The following FOXP4 variants were observed in gnomAD, a reference collection of about 807,000 sequenced individuals.
FOXP4 encodes the protein forkhead box protein P4.
Under a neutral mutation model 82.6 loss-of-function variants are expected in FOXP4, and 25 were observed. The observed-to-expected ratio is 0.30, with a 90% CI of 0.22 to 0.42. The LOEUF (loss-of-function observed/expected upper bound fraction) is 0.42. FOXP4 is among the 10% of genes least tolerant of loss of function. FOXP4 has a pLI of 1.00. For synonymous variants in FOXP4, 415 were observed against 388.2 expected, an observed-to-expected ratio of 1.07 and a Z score of -0.81; for missense variants, 785 against 900.9, an observed-to-expected ratio of 0.87 and a Z score of 1.65.
intron 2 of FOXP4, chr6:41,570,526 A>G: frequency 2.6e-6 from 1 of 381,582 alleles, no homozygotes; most frequent in Non-Finnish European, 5.5e-6. Context: ...CCTATGTTGG[A>G]AAATTCCCCT....
At chr6:41,576,687 C>G (rs1256163120) in intron 2 of FOXP4, among the ~76,000 whole-genome samples, 2 of 152,170 alleles carry the variant, frequency 1.3e-5, no homozygotes, top group African/African-American at 4.8e-5. Flanking sequence ...CGAATGCCAA[C>G]TGGATGCCAA....
At chr6:41,574,926 T>G (rs1249027060) in intron 2 of FOXP4, among the ~76,000 whole-genome samples, 1 of 152,212 alleles carries the variant, frequency 6.6e-6, no homozygotes, top group Non-Finnish European at 1.5e-5. Context: ...CACTTCAGGC[T>G]GACTAGTTTC....
intron 1 of FOXP4, among the ~76,000 whole-genome samples, chr6:41,550,025 G>A (rs538594719): frequency 2.0e-5 from 3 of 152,152 alleles, no homozygotes; most frequent in African/African-American, 7.2e-5. Flanking sequence ...ATCTTACCAC[G>A]CTCCAGCTTC....
At chr6:41,568,727 C>T (rs955622060) in intron 2 of FOXP4, among the ~76,000 whole-genome samples, 5 of 152,176 alleles carry the variant, frequency 3.3e-5, no homozygotes, top group African/African-American at 1.2e-4. Flanking sequence ...CTTTGTCTGT[C>T]TGTTGGTCCT....
At chr6:41,587,559 T>G in intron 7 of FOXP4, 47 bp downstream of exon 7, 1 of 1,430,756 alleles carries the variant, frequency 7.0e-7, no homozygotes, top group Non-Finnish European at 9.5e-7. Context: ...TGCCTGGGGG[T>G]AGACCTGGCC....
In FOXP4 at chr6:41,593,829, A is replaced by G. The variant is rs892517701; in HGVS notation, c.1537-1041A>G. Among the ~76,000 whole-genome samples, 64 of 152,302 alleles carry G rather than the reference A, an allele frequency of 4.2e-4. No individual in the cohort carries two copies. The highest frequency in any genetic ancestry group is 1.5e-3 in the African/African-American group (61 of 41,558). ...CAAGAGTTGGAAGGGAGAGAGGGAG[A>G]GGGATCTCCAGGGGCACGGGCTGCC... is the stretch of plus-strand genomic sequence containing the variant. On this transcript the variant is annotated intron_variant, in intron 13 of 16. Transcript: ENST00000307972. This position sits in a 1 kb window ranked among gnomAD's most constrained non-coding sequence, Gnocchi z 4.1.
chr6:41,587,404 C>A lies in FOXP4; in HGVS notation c.764C>A (p.Thr255Lys), dbSNP rs781449571. The A allele has an allele frequency of 1.3e-5, 20 of 1,589,240 alleles. No individual in the cohort carries two copies. The highest frequency in any genetic ancestry group is 2.7e-5 in the African/African-American group (2 of 74,444). The change falls in exon 7 of 17, where the codon ACG becomes AAG. Residue 255 changes from threonine to lysine, a missense_variant. This residue lies in a region of FOXP4 where 570 missense variants were observed against 634.0 expected (regional missense o/e 0.90). Coordinates refer to ENST00000307972, the MANE Select transcript of FOXP4 (RefSeq NM_001012426.2). ...VKQEGLDLTG[T>K]AATATSFAAP... ...CAGGAGGGGCTGGACCTCACTGGCA[C>A]GGCCGCCACCGCTACCTCGTTTGCC...
chr6:41,557,246 A>G (rs1159094853), intron 1 of FOXP4, among the ~76,000 whole-genome samples: 1 of 152,322 alleles, frequency 6.6e-6, no homozygotes, highest in African/African-American at 2.4e-5. Context: ...GGAAATCACT[A>G]AAGAGGTTAG....
rs769556634 is a variant in FOXP4 at position 41,601,833 on chromosome 6, C to CT, written c.*2897_*2898insT. On this transcript the variant is annotated 3_prime_UTR_variant, in exon 17 of 17. Coordinates refer to ENST00000307972, the MANE Select transcript of FOXP4 (RefSeq NM_001012426.2). ...CCTCCTTGAGGGCAGAAAGGAGTCC[C>CT]AGGCCTGTCCCTAGGGACAAGGCCC... 2.6e-5 allele frequency: 4 copies of CT among 152,214 alleles called. No individual in the cohort carries two copies. The highest frequency in any genetic ancestry group is 5.9e-5 in the Non-Finnish European group (4 of 68,072). The allele number at this position is 152,214 out of a possible 1,614,324, so 9.4% of individuals were successfully genotyped here. A position where few individuals can be genotyped will look rare whatever the true frequency, so the allele number is the denominator to read the frequency against.
At chr6:41,552,110 T>G (rs1030523830) in intron 1 of FOXP4, among the ~76,000 whole-genome samples, 3 of 152,088 alleles carry the variant, frequency 2.0e-5, no homozygotes, top group Admixed American at 1.3e-4. Context: ...CGTTCTCATC[T>G]CCTCAGCGGG....
chr6:41,597,804 C>T lies in FOXP4; in HGVS notation c.1749C>T (p.Phe583=), dbSNP rs562089407. Residue 583 remains phenylalanine (F), a synonymous_variant, in exon 16 of 17, where the codon TTC becomes TTT. Transcript: ENST00000307972. ...SYQAALAESS[F]PLLNSPGMLN... ...AGGCCGCCCTGGCCGAGAGCAGCTT[C>T]CCCCTCCTCAACAGCCCTGGCATGC... 5 of 1,607,582 alleles carry T rather than the reference C, an allele frequency of 3.1e-6. No individual in the cohort carries two copies. The African/African-American group carries it at 4.0e-5, about 13-fold the overall frequency.
Position 41,594,956 on chromosome 6 carries a change from G to A in FOXP4, c.1623G>A (p.Arg541=). 1.2e-6 allele frequency: 2 copies of A among 1,614,186 alleles called. No homozygotes were observed. The highest frequency in any genetic ancestry group is 1.7e-6 in the Non-Finnish European group (2 of 1,180,038). Reference sequence around the variant, plus strand: ...GTGCCGTGTGGACTGTGGACGAGCGGGAGTATCAGAAGCGGAGACCGCCAA... The same window carrying A: ...GTGCCGTGTGGACTGTGGACGAGCGAGAGTATCAGAAGCGGAGACCGCCAA... The part of the protein sequence containing the change: ...VKGAVWTVDE[R]EYQKRRPPKM... Residue 541 remains arginine, a synonymous_variant, in exon 14 of 17, where the codon CGG becomes CGA. Coordinates refer to ENST00000307972, the MANE Select transcript of FOXP4 (RefSeq NM_001012426.2).
intron 1 of FOXP4, among the ~76,000 whole-genome samples, chr6:41,549,081 G>C (rs371416537): frequency 1.3e-5 from 2 of 152,102 alleles, no homozygotes; most frequent in African/African-American, 2.4e-5. Flanking sequence ...TCCACACCCA[G>C]GGCCAGGGTG....
chr6:41,598,647 C>G, intron 16 of FOXP4, 142 bp from the exon 17 acceptor site: 4 of 1,205,704 alleles, frequency 3.3e-6, no homozygotes, highest in Non-Finnish European at 4.6e-6. Flanking sequence ...TAGGGGAGAT[C>G]AGCCCTCAGG....
chr6:41,578,343 T>G (rs1039264201), intron 3 of FOXP4, among the ~76,000 whole-genome samples: 1 of 152,166 alleles, frequency 6.6e-6, no homozygotes, highest in Non-Finnish European at 1.5e-5. Flanking sequence ...GCTCTCCCTG[T>G]CTCTTTGTAC....
In FOXP4 at chr6:41,587,916, C is replaced by T. The variant is rs1178253081; in HGVS notation, c.977+19C>T. On this transcript the variant is annotated intron_variant, in intron 8 of 16. Coordinates refer to ENST00000307972, the MANE Select transcript of FOXP4 (RefSeq NM_001012426.2). ...TTATCAAGTAGGTGTCACCCCCAGC[C>T]CCTCCCCCAGCAGCCTTTCCCCACA... is the stretch of plus-strand genomic sequence containing the variant. 2.1e-6 allele frequency: 3 copies of T among 1,400,028 alleles called. No homozygotes were observed. The highest frequency in any genetic ancestry group is 1.7e-4 in the Middle Eastern group (1 of 5,716). The allele number at this position is 1,400,028 out of a possible 1,614,324, so 86.7% of individuals were successfully genotyped here.
rs865804806 is a variant in FOXP4 at position 41,590,127 on chromosome 6, C to T, written c.1314C>T (p.Ala438=). 7 of 1,611,074 alleles carry T rather than the reference C, an allele frequency of 4.3e-6. No individual in the cohort carries two copies. The highest frequency in any genetic ancestry group is 5.9e-6 in the Non-Finnish European group (7 of 1,177,850). The change falls in exon 11 of 17, where the codon GCC becomes GCT. Residue 438 remains alanine, a synonymous_variant. Transcript: ENST00000307972. ...GSASLHGGGP[A]RRRSSDKFCS... is the part of the protein sequence containing the mutation. ...CCTCCCTGCATGGTGGGGGCCCAGC[C>T]CGTCGGAGAAGCAGTGACAAGTTCT... is the stretch of plus-strand genomic sequence containing the variant.
chr6:41,566,056 T>G, intron 2 of FOXP4, 92 bp downstream of exon 2: 1 of 1,338,282 alleles, frequency 7.5e-7, no homozygotes, highest in Non-Finnish European at 1.0e-6. Context: ...CACCACTCCC[T>G]GCCAGGCAGC....
chr6:41,573,902 C>T lies in FOXP4; in HGVS notation c.205-4084C>T, dbSNP rs377351855. 6.6e-4 allele frequency among the ~76,000 whole-genome samples: 101 copies of T among 152,260 alleles called. 1 individual carries two copies. The highest frequency in any genetic ancestry group is 2.4e-3 in the African/African-American group (99 of 41,540). On this transcript the variant is annotated intron_variant, in intron 2 of 16. Coordinates refer to ENST00000307972, the MANE Select transcript of FOXP4 (RefSeq NM_001012426.2). The stretch of plus-strand genomic sequence containing the variant: ...TTAGAGGAAAACTGGACATCATCCC[C>T]AAACCACAGAGCTGGACATTTGGTT...
Sources: gnomAD v4.1 joint callset for allele counts (sites outside exome capture counted in the v4.1 genomes callset) on GRCh38, gnomAD v4.1.1 for gene constraint, gnomAD v4.1.1 regional missense constraint, Gnocchi (gnomAD v3.1) non-coding constraint, MANE v1.5 for transcripts, NCBI Gene and HGNC (gene_info 2026-07-23, HGNC 2026-07-21) for gene names.